The following FAM81A variants were observed in gnomAD, a reference collection of about 807,000 sequenced individuals.
FAM81A encodes the protein protein FAM81A.
In FAM81A, 19 loss-of-function variants were observed where a neutral mutation model predicts 46.7. That is an observed-to-expected ratio of 0.41 (90% CI 0.28 to 0.60). The LOEUF (loss-of-function observed/expected upper bound fraction) is 0.60, where lower values mean the gene tolerates loss of function less well. Among genes scored for constraint, FAM81A ranks in the 20% least tolerant of loss-of-function variants. FAM81A has a pLI of 0.34. For synonymous variants in FAM81A, 183 were observed against 152.9 expected (o/e 1.20, Z -1.45); for missense variants, 377 against 453.5 (o/e 0.83, Z 1.53).
At chr15:59,403,162 C>T (rs1436527798) in intron 2 of FAM81A, among the ~76,000 whole-genome samples, 1 of 152,148 alleles carries the variant, frequency 6.6e-6, no homozygotes, top group Non-Finnish European at 1.5e-5. Context: ...CATTCATTTA[C>T]CCATATCTTT....
chr15:59,471,812 G>T (rs1278785835), intron 3 of FAM81A, among the ~76,000 whole-genome samples: 1 of 151,980 alleles, frequency 6.6e-6, no homozygotes, highest in African/African-American at 2.4e-5. Flanking sequence ...AAATTTCACT[G>T]TTCTTTGAGA....
At chr15:59,505,660 AGGG>A (rs2141812527) in intron 4 of FAM81A, among the ~76,000 whole-genome samples, 1 of 152,290 alleles carries the variant, frequency 6.6e-6, no homozygotes, top group Admixed American at 6.5e-5. Context: ...CACCACTGAC[AGGG>A]GAGAATAAAG....
intron 3 of FAM81A, among the ~76,000 whole-genome samples, chr15:59,463,284 G>A (rs1291319696): frequency 6.6e-6 from 1 of 151,918 alleles, no homozygotes; most frequent in African/African-American, 2.4e-5. Flanking sequence ...AAAATCAATT[G>A]AACATAAAAT....
chr15:59,438,107 C>A (rs1459881621), upstream of FAM81A: 3 of 146,298 alleles, frequency 2.1e-5, no homozygotes, highest in Non-Finnish European at 4.6e-5. Flanking sequence ...CCCCGGGAGC[C>A]GCGAACCCGG....
rs560056184 is a variant in FAM81A at position 59,500,661 on chromosome 15, T to G, written c.414-6552T>G. ...GGTGCATTTACTGGTGTCTCATTTTTTTTTTTGGAGACTCTCTTCATTTTT... is the reference window on the plus strand; with the variant it reads ...GGTGCATTTACTGGTGTCTCATTTTGTTTTTTGGAGACTCTCTTCATTTTT... On this transcript the variant is annotated intron_variant, in intron 4 of 8. Transcript: ENST00000288228. Among the ~76,000 whole-genome samples, 253 of 152,198 alleles carry G rather than the reference T, an allele frequency of 1.7e-3. 1 individual carries two copies. The highest frequency in any genetic ancestry group is 2.7e-3 in the Non-Finnish European group (185 of 68,008).
chr15:59,400,687 C>T (rs780514983), intron 1 of FAM81A, among the ~76,000 whole-genome samples: 1 of 152,196 alleles, frequency 6.6e-6, no homozygotes, highest in Non-Finnish European at 1.5e-5. Flanking sequence ...GCCCTCCTTT[C>T]GGCCTTAGGT....
At chr15:59,474,441 G>A (rs2081740395) in intron 3 of FAM81A, among the ~76,000 whole-genome samples, 1 of 152,186 alleles carries the variant, frequency 6.6e-6, no homozygotes, top group South Asian at 2.1e-4. Flanking sequence ...CAAGAATGAT[G>A]AATCCTGTGT....
intron 2 of FAM81A, among the ~76,000 whole-genome samples, chr15:59,416,598 A>T (rs1354831833): frequency 6.6e-6 from 1 of 152,174 alleles, no homozygotes; most frequent in Admixed American, 6.5e-5. Context: ...TGGGGCATCA[A>T]CATCATCTGC....
intron 6 of FAM81A, 96 bp from the exon 7 acceptor site, chr15:59,514,193 C>A: frequency 7.8e-7 from 1 of 1,280,532 alleles, no homozygotes; most frequent in Non-Finnish European, 1.0e-6. Context: ...ACCTGTGTAA[C>A]AAATCTGTAT....
At chr15:59,486,099 A>G (rs2081913889) in intron 3 of FAM81A, among the ~76,000 whole-genome samples, 1 of 152,146 alleles carries the variant, frequency 6.6e-6, no homozygotes. Context: ...GAATCGCTTG[A>G]ACCCAGGAGG....
intron 3 of FAM81A, among the ~76,000 whole-genome samples, chr15:59,476,995 C>G (rs2081779222): frequency 6.6e-6 from 1 of 151,720 alleles, no homozygotes; most frequent in African/African-American, 2.4e-5. Flanking sequence ...TGGCAGGTGC[C>G]TGTAACCCCA....
intron 3 of FAM81A, among the ~76,000 whole-genome samples, chr15:59,477,781 A>T (rs575870863): frequency 6.6e-6 from 1 of 152,236 alleles, no homozygotes; most frequent in Non-Finnish European, 1.5e-5. Context: ...GTCAAAACAG[A>T]TGACTCTTGT....
intron 3 of FAM81A, among the ~76,000 whole-genome samples, chr15:59,477,934 C>G (rs2081793552): frequency 6.6e-6 from 1 of 152,186 alleles, no homozygotes; most frequent in Non-Finnish European, 1.5e-5. Context: ...AAACTTTCCA[C>G]CAATGATCAT....
chr15:59,399,055 G>A (rs1335006517), intron 1 of FAM81A, among the ~76,000 whole-genome samples: 1 of 152,124 alleles, frequency 6.6e-6, no homozygotes, highest in East Asian at 1.9e-4. Context: ...TGTAATCCCA[G>A]CTACTCGGTA....
intron 2 of FAM81A, among the ~76,000 whole-genome samples, chr15:59,429,281 T>G (rs2081209356): frequency 6.6e-6 from 1 of 152,156 alleles, no homozygotes; most frequent in Non-Finnish European, 1.5e-5. Flanking sequence ...GTATGAATCT[T>G]TTTTTCGTTT....
chr15:59,421,626 A>G (rs746912678), intron 2 of FAM81A, among the ~76,000 whole-genome samples: 1 of 152,110 alleles, frequency 6.6e-6, no homozygotes, highest in Non-Finnish European at 1.5e-5. Flanking sequence ...GCTGGCCTAT[A>G]CCTGGAGTCC....
intron 8 of FAM81A, among the ~76,000 whole-genome samples, chr15:59,519,719 T>C (rs2082308267): frequency 6.6e-6 from 1 of 151,930 alleles, no homozygotes; most frequent in South Asian, 2.1e-4. Context: ...TTTTTATCCA[T>C]TTGTGACAAA....
At chr15:59,497,467 C>T (rs1399211126) in intron 4 of FAM81A, among the ~76,000 whole-genome samples, 1 of 151,970 alleles carries the variant, frequency 6.6e-6, no homozygotes, top group East Asian at 1.9e-4. Flanking sequence ...AATTTAAGAT[C>T]AGTTTGTCAA....
intron 3 of FAM81A, among the ~76,000 whole-genome samples, chr15:59,479,298 G>C (rs1389444304): frequency 6.6e-6 from 1 of 152,034 alleles, no homozygotes. Context: ...AGATCACGAG[G>C]TCAGGAGTTC....
Sources: allele counts gnomAD v4.1 joint callset (sites outside exome capture counted in the v4.1 genomes callset), GRCh38; gene constraint gnomAD v4.1.1; transcripts MANE v1.5; gene names NCBI Gene and HGNC (gene_info 2026-07-23, HGNC 2026-07-21).